RELN: variants seen among roughly 807,000 people sequenced by gnomAD.
RELN encodes reelin.
In RELN, 108 loss-of-function variants were observed where a neutral mutation model predicts 427.6. The ratio of observed to expected loss-of-function variants is 0.25; its 90% CI spans 0.22 to 0.30. The LOEUF (loss-of-function observed/expected upper bound fraction) is 0.30. Ranked by LOEUF, RELN falls within the 10% of genes least tolerant of loss-of-function variation. The probability of loss-of-function intolerance (pLI) is 1.00; values close to 1 mark genes in which losing one functional copy is unlikely to be tolerated. For synonymous variants in RELN, 1,524 were observed against 1,513.4 expected (o/e 1.01, Z -0.16); for missense variants, 3,715 against 4,302.8 (o/e 0.86, Z 3.82).
intron 2 of RELN, among the ~76,000 whole-genome samples, chr7:103,856,249 A>G (rs13232645): frequency 0.14 from 21,819 of 152,112 alleles, 1,869 homozygotes; most frequent in East Asian, 0.34. Context: ...AACTGGAAGA[A>G]TAGACAGCAG....
chr7:103,780,736 C>CT (rs1217510554), intron 3 of RELN, among the ~76,000 whole-genome samples: 2 of 152,130 alleles, frequency 1.3e-5, no homozygotes, highest in East Asian at 3.8e-4. Context: ...TGATCTCATT[C>CT]TTTTTTTATG....
At chr7:103,663,874 C>T (rs1026781373) in intron 11 of RELN, among the ~76,000 whole-genome samples, 9 of 152,238 alleles carry the variant, frequency 5.9e-5, no homozygotes, top group South Asian at 4.2e-4. Context: ...TTTAAAGATT[C>T]GCAGGCCTAA....
At chr7:103,515,678 A>G (rs144433518) in intron 49 of RELN, among the ~76,000 whole-genome samples, 20 of 152,296 alleles carry the variant, frequency 1.3e-4, no homozygotes, top group African/African-American at 3.1e-4. Context: ...AGAACTCCCA[A>G]TTGGTTCTGT....
chr7:103,742,405 A>G (rs943373014), intron 6 of RELN, among the ~76,000 whole-genome samples: 2 of 152,200 alleles, frequency 1.3e-5, no homozygotes, highest in African/African-American at 4.8e-5. Context: ...AACGGAACAA[A>G]ACTGGATGGA....
At chr7:103,668,837 AAG>A (rs1833327920) in intron 11 of RELN, among the ~76,000 whole-genome samples, 1 of 152,154 alleles carries the variant, frequency 6.6e-6, no homozygotes, top group Non-Finnish European at 1.5e-5. Flanking sequence ...CTGATCCACA[AAG>A]CAAGTTAAGG....
intron 8 of RELN, among the ~76,000 whole-genome samples, chr7:103,708,461 ACT>A (rs1350166891): frequency 2.0e-5 from 2 of 97,834 alleles, no homozygotes; most frequent in African/African-American, 1.2e-4. Flanking sequence ...AGTGGGTATG[ACT>A]CTTTTTTTTT....
At chr7:103,538,296 T>A (rs362717) in intron 45 of RELN, among the ~76,000 whole-genome samples, 6 of 152,014 alleles carry the variant, frequency 3.9e-5, no homozygotes, top group Non-Finnish European at 8.8e-5. Context: ...GGGGACCTTG[T>A]GAACATTCTA....
In RELN at chr7:103,611,737, T is replaced by C. The variant is rs1435169279; in HGVS notation, c.2769A>G (p.Gly923=). 6.2e-7 allele frequency: 1 copy of C among 1,613,936 alleles called. No individual in the cohort carries two copies. Among genetic ancestry groups the C allele is most frequent in the Admixed American group, 1.7e-5 (1 of 60,004 alleles). The change falls in exon 21 of 65, where the codon GGA becomes GGG. Residue 923 remains glycine, a synonymous_variant. Coordinates refer to ENST00000428762, the MANE Select transcript of RELN (RefSeq NM_005045.4). ...RYVETQSMQI[G]ASYMIQFSLV... Reference sequence around the variant, plus strand: ...AACTGAACTGAATCATATAGGATGCTCCTATCTGCATTGATTGTGTTTCCA... The same window carrying C: ...AACTGAACTGAATCATATAGGATGCCCCTATCTGCATTGATTGTGTTTCCA...
intron 2 of RELN, among the ~76,000 whole-genome samples, chr7:103,874,266 A>C (rs1393294657): frequency 2.4e-5 from 3 of 123,286 alleles, no homozygotes; most frequent in African/African-American, 8.7e-5. Flanking sequence ...AATGGGCAAA[A>C]ACTGGAAGCA....
rs904457574 is a variant in RELN at position 103,925,867 on chromosome 7, G to A, written c.227-8682C>T. ...GTGAATACATTACAATAAAATACAC[G>A]GATGCCTAGAGAACAAATATATGTG... On this transcript the variant is annotated intron_variant, in intron 1 of 64. Transcript: ENST00000428762. 2.6e-5 allele frequency among the ~76,000 whole-genome samples: 4 copies of A among 151,910 alleles called. No homozygotes were observed. In the East Asian group the frequency reaches 5.8e-4, roughly 22 times the overall value.
rs544552255 is a variant in RELN, at chr7:103,746,707, C to T, written c.656+2719G>A. On this transcript the variant is annotated intron_variant, in intron 6 of 64. Transcript: ENST00000428762. ...ATCAGAGAAATGCAAATCAAAACCACAATGAGATACCATCTCACACCAGTT... is the reference window on the plus strand; with the variant it reads ...ATCAGAGAAATGCAAATCAAAACCATAATGAGATACCATCTCACACCAGTT... Among the ~76,000 whole-genome samples, 1,401 of 151,900 alleles carry T rather than the reference C, an allele frequency of 9.2e-3. 22 individuals carry two copies. Among genetic ancestry groups the T allele is most frequent in the African/African-American group, 0.033 (1,351 of 41,246 alleles).
At position 103,566,539 on chromosome 7, in the gene RELN, G is replaced by A. The variant is rs1830755750; in HGVS notation, c.4747+62C>T. On this transcript the variant is annotated intron_variant, in intron 32 of 64. Transcript: ENST00000428762. ...GCAAATTAAGAAACACACAGTGCAA[G>A]GTGGGTATGGATACTTCATGACCTA... 4 of 1,598,766 alleles carry A rather than the reference G, an allele frequency of 2.5e-6. No individual in the cohort carries two copies. The Admixed American group carries it at 5.0e-5, about 20-fold the overall frequency.
At chr7:103,724,855 C>T (rs918461809) in intron 7 of RELN, among the ~76,000 whole-genome samples, 5 of 151,076 alleles carry the variant, frequency 3.3e-5, no homozygotes, top group African/African-American at 1.2e-4. Context: ...ATTCTGAGAT[C>T]TATTCACCTA....
chr7:103,873,596 G>C (rs1262333776), intron 2 of RELN, among the ~76,000 whole-genome samples: 1 of 69,610 alleles, frequency 1.4e-5, no homozygotes, highest in Non-Finnish European at 3.2e-5. Context: ...AAATAAACTA[G>C]AAAATCTAGA....
intron 11 of RELN, among the ~76,000 whole-genome samples, chr7:103,678,485 G>A (rs544879528): frequency 5.3e-5 from 8 of 152,250 alleles, no homozygotes; most frequent in African/African-American, 1.4e-4. Flanking sequence ...ACCGGATTTC[G>A]GACAGCTAAG....
intron 31 of RELN, among the ~76,000 whole-genome samples, chr7:103,567,310 G>C (rs928915310): frequency 6.6e-6 from 1 of 152,194 alleles, no homozygotes; most frequent in Non-Finnish European, 1.5e-5. Flanking sequence ...AAAGGCTCAC[G>C]CTTCTCCAAC....
Position 103,575,561 on chromosome 7 carries a change from G to A in RELN, c.4290C>T (p.Asp1430=), listed in dbSNP as rs1830978870. 1 of 1,614,026 alleles carries A rather than the reference G, an allele frequency of 6.2e-7. No homozygotes were observed. The highest frequency in any genetic ancestry group is 8.5e-7 in the Non-Finnish European group (1 of 1,179,970). Residue 1430 remains aspartate, a synonymous_variant, in exon 29 of 65, where the codon GAC becomes GAT. Transcript: ENST00000428762. The part of the protein sequence containing the change: ...GDCISGVCFC[D]LGYTAAQGTC... ...ATTTAGCCTTACCAGTATATCCCAG[G>A]TCACAGAAACACACTCCTGAAATGC...
intron 2 of RELN, among the ~76,000 whole-genome samples, chr7:103,862,872 G>C (rs1054998974): frequency 6.6e-6 from 1 of 152,092 alleles, no homozygotes; most frequent in Non-Finnish European, 1.5e-5. Context: ...GGAAATCAGA[G>C]AATGGACGTG....
chr7:103,611,000 T>A (rs1831941207), intron 21 of RELN, among the ~76,000 whole-genome samples, 193 bp from the exon 22 acceptor site: 1 of 152,168 alleles, frequency 6.6e-6, no homozygotes, highest in South Asian at 2.1e-4. Flanking sequence ...TAAAATTATG[T>A]AAGAAATAAT....
Sources: gnomAD v4.1 joint callset for allele counts (sites outside exome capture counted in the v4.1 genomes callset) on GRCh38, gnomAD v4.1.1 for gene constraint, MANE v1.5 for transcripts, NCBI Gene and HGNC (gene_info 2026-07-23, HGNC 2026-07-21) for gene names.